Variants in CCSER1 observed in about 807,000 individuals in gnomAD.
CCSER1 encodes the protein serine-rich coiled-coil domain-containing protein 1.
A neutral mutation model predicts 82.0 loss-of-function variants in CCSER1; 41 were observed. That is an observed-to-expected ratio of 0.50 (90% CI 0.39 to 0.65). CCSER1 has a LOEUF of 0.65. Ranked by LOEUF, CCSER1 falls within the 30% of genes least tolerant of loss-of-function variation. The probability of loss-of-function intolerance (pLI) is 0.00; values close to 1 mark genes in which losing one functional copy is unlikely to be tolerated. For synonymous variants in CCSER1, 414 were observed against 383.9 expected (o/e 1.08, Z -0.92); for missense variants, 1,119 against 1,064.2 (o/e 1.05, Z -0.72).
intron 6 of CCSER1, among the ~76,000 whole-genome samples, chr4:90,653,017 G>T (rs559026172): frequency 6.6e-6 from 1 of 152,022 alleles, no homozygotes; most frequent in East Asian, 1.9e-4. Context: ...ACTTTTAGGG[G>T]GCCAAGCCTA....
chr4:90,184,651 A>G (rs1005083624), intron 1 of CCSER1, among the ~76,000 whole-genome samples: 6 of 152,220 alleles, frequency 3.9e-5, no homozygotes, highest in East Asian at 1.9e-4. Flanking sequence ...ACTTGGTGCA[A>G]TTGTTCTGAA....
chr4:90,358,198 T>A (rs940026939), intron 3 of CCSER1, among the ~76,000 whole-genome samples: 3 of 152,050 alleles, frequency 2.0e-5, no homozygotes, highest in Admixed American at 1.3e-4. Flanking sequence ...TGGTGATTTT[T>A]TTGTTTATCT....
At chr4:90,207,473 C>T (rs1739092917) in intron 1 of CCSER1, among the ~76,000 whole-genome samples, 1 of 152,084 alleles carries the variant, frequency 6.6e-6, no homozygotes, top group Admixed American at 6.5e-5. Flanking sequence ...TGTTATTACC[C>T]ACCTTCTGAA....
At chr4:90,147,773 TA>T (rs1190279099) in intron 1 of CCSER1, among the ~76,000 whole-genome samples, 1 of 151,284 alleles carries the variant, frequency 6.6e-6, no homozygotes, top group African/African-American at 2.4e-5. Context: ...AATGTGCCCT[TA>T]AAAAAAAAGT....
At chr4:91,283,329 T>C (rs1186556353) in intron 10 of CCSER1, among the ~76,000 whole-genome samples, 2 of 152,130 alleles carry the variant, frequency 1.3e-5, no homozygotes. Flanking sequence ...CTTTTGTTGA[T>C]GCATAGATTA....
intron 5 of CCSER1, among the ~76,000 whole-genome samples, chr4:90,601,662 A>AT (rs1784056454): frequency 1.4e-5 from 2 of 138,034 alleles, no homozygotes; most frequent in African/African-American, 5.5e-5. Flanking sequence ...TTGAGACCTT[A>AT]TTTTTTATTT....
At chr4:90,168,580 G>GT (rs2153373409) in intron 1 of CCSER1, among the ~76,000 whole-genome samples, 1 of 152,250 alleles carries the variant, frequency 6.6e-6, no homozygotes, top group South Asian at 2.1e-4. Context: ...TACTGCCTAG[G>GT]TTTTCTTCTA....
At chr4:91,279,713 C>T (rs1742763109) in intron 10 of CCSER1, among the ~76,000 whole-genome samples, 1 of 151,996 alleles carries the variant, frequency 6.6e-6, no homozygotes, top group Non-Finnish European at 1.5e-5. Flanking sequence ...TCTTAAATAA[C>T]ACTACTTTGA....
chr4:90,937,849 T>C (rs894276856), intron 9 of CCSER1, among the ~76,000 whole-genome samples: 1 of 152,176 alleles, frequency 6.6e-6, no homozygotes, highest in African/African-American at 2.4e-5. Flanking sequence ...TCAGCAGTTA[T>C]CAGTTCTATT....
chr4:90,167,457 A>C (rs1391415148), intron 1 of CCSER1, among the ~76,000 whole-genome samples: 1 of 152,004 alleles, frequency 6.6e-6, no homozygotes, highest in East Asian at 1.9e-4. Context: ...ATGGTTTGGG[A>C]CAATTTTATT....
chr4:90,868,571 G>T (rs79651172), intron 8 of CCSER1, among the ~76,000 whole-genome samples: 2 of 151,914 alleles, frequency 1.3e-5, no homozygotes, highest in African/African-American at 4.8e-5. Flanking sequence ...CATTGTGTGT[G>T]TGTACCACCT....
At chr4:91,522,831 T>C (rs1760559097) in intron 10 of CCSER1, among the ~76,000 whole-genome samples, 1 of 152,210 alleles carries the variant, frequency 6.6e-6, no homozygotes, top group Non-Finnish European at 1.5e-5. Context: ...AGGGACAATT[T>C]GACTTCCTTT....
At chr4:90,845,203 A>T (rs779679488) in intron 8 of CCSER1, among the ~76,000 whole-genome samples, 1 of 152,056 alleles carries the variant, frequency 6.6e-6, no homozygotes, top group African/African-American at 2.4e-5. Flanking sequence ...TCTACTAAAA[A>T]TACAAAAAAT....
intron 10 of CCSER1, among the ~76,000 whole-genome samples, chr4:91,230,817 A>C (rs936696469): frequency 6.6e-6 from 1 of 151,958 alleles, no homozygotes; most frequent in African/African-American, 2.4e-5. Context: ...TTTAAAATAT[A>C]CAAAATAATG....
intron 8 of CCSER1, among the ~76,000 whole-genome samples, chr4:90,868,019 G>C (rs1295503787): frequency 2.0e-5 from 3 of 151,846 alleles, no homozygotes; most frequent in Non-Finnish European, 4.4e-5. Context: ...GGAGTGCAGA[G>C]TTCTTCAATA....
chr4:91,316,104 A>G (rs1449004180), intron 10 of CCSER1, among the ~76,000 whole-genome samples: 1 of 151,984 alleles, frequency 6.6e-6, no homozygotes, highest in South Asian at 2.1e-4. Context: ...GTAGGACGTA[A>G]CTTTGTTCCT....
chr4:91,587,755 AG>A (rs1764067539), intron 10 of CCSER1, among the ~76,000 whole-genome samples: 1 of 151,620 alleles, frequency 6.6e-6, no homozygotes, highest in Non-Finnish European at 1.5e-5. Context: ...GAAAGGTGAT[AG>A]GTTCTGTATG....
chr4:90,169,328 T>C (rs1731177287), intron 1 of CCSER1, among the ~76,000 whole-genome samples: 1 of 152,172 alleles, frequency 6.6e-6, no homozygotes, highest in African/African-American at 2.4e-5. Flanking sequence ...ATTGATTTTA[T>C]ATCCTGAGAC....
chr4:90,182,253 T>C (rs1733859182), intron 1 of CCSER1, among the ~76,000 whole-genome samples: 1 of 152,148 alleles, frequency 6.6e-6, no homozygotes, highest in Admixed American at 6.6e-5. Context: ...ATAAGAGTTA[T>C]GGTTTTGAAA....
Sources: allele counts gnomAD v4.1 joint callset (sites outside exome capture counted in the v4.1 genomes callset), GRCh38; gene constraint gnomAD v4.1.1; transcripts MANE v1.5; gene names NCBI Gene and HGNC (gene_info 2026-07-23, HGNC 2026-07-21).